Variants in DYM observed in about 807,000 individuals in gnomAD.
DYM encodes dymeclin.
In DYM, 78 loss-of-function variants were observed where a neutral mutation model predicts 93.1. The ratio of observed to expected loss-of-function variants is 0.84; its 90% CI spans 0.70 to 1.01. The LOEUF is 1.01. Ranked by LOEUF, DYM falls within the 50% of genes least tolerant of loss-of-function variation. The pLI is 0.00. For synonymous variants in DYM, 321 were observed against 319.7 expected (o/e 1.00, Z -0.04); for missense variants, 789 against 845.0 (o/e 0.93, Z 0.82).
intron 17 of DYM, among the ~76,000 whole-genome samples, chr18:49,087,958 A>G (rs2078696890): frequency 6.6e-6 from 1 of 151,876 alleles, no homozygotes; most frequent in Non-Finnish European, 1.5e-5. Flanking sequence ...CTGCTTTTTG[A>G]TGGGGTTGTT....
chr18:49,428,183 C>T (rs930785137), intron 2 of DYM, among the ~76,000 whole-genome samples: 1 of 149,274 alleles, frequency 6.7e-6, no homozygotes, highest in Non-Finnish European at 1.5e-5. Context: ...CACGGCGGGG[C>T]GCAGTGGCTC....
intron 14 of DYM, among the ~76,000 whole-genome samples, chr18:49,186,458 T>C (rs1942999): frequency 0.63 from 95,179 of 151,950 alleles, 31,012 homozygotes; most frequent in Non-Finnish European, 0.74. Flanking sequence ...TCGCCCACTA[T>C]TGCCTATATC....
chr18:49,051,447 G>C (rs765578724), intron 17 of DYM, among the ~76,000 whole-genome samples: 1 of 152,158 alleles, frequency 6.6e-6, no homozygotes, highest in Non-Finnish European at 1.5e-5. Flanking sequence ...TTCTGACTAG[G>C]TGTGGTTTTA....
rs1217417292 is a variant in DYM at position 49,355,777 on chromosome 18, T to C, written c.494+7384A>G. Among the ~76,000 whole-genome samples the C allele has an allele frequency of 2.6e-5, 4 of 152,106 alleles. No individual in the cohort carries two copies. In the East Asian group the frequency reaches 7.7e-4, roughly 29 times the overall value. ...TTTCTGCTCAATTTTGTGGTGAACC[T>C]AAAATTACTCTCAAAACTAAATGTA... On this transcript the variant is annotated intron_variant, in intron 6 of 17. Coordinates refer to ENST00000675505, the MANE Select transcript of DYM (RefSeq NM_001353214.3).
intron 6 of DYM, among the ~76,000 whole-genome samples, chr18:49,342,484 T>C (rs2064242411): frequency 6.6e-6 from 1 of 152,224 alleles, no homozygotes; most frequent in Non-Finnish European, 1.5e-5. Flanking sequence ...ATGGCATTAG[T>C]CTGCCTATCA....
intron 10 of DYM, among the ~76,000 whole-genome samples, 184 bp from the exon 11 acceptor site, chr18:49,272,487 T>C (rs2094730959): frequency 6.6e-6 from 1 of 152,180 alleles, no homozygotes; most frequent in African/African-American, 2.4e-5. Flanking sequence ...AAGATGCCAG[T>C]GGAGAAAATC....
chr18:49,336,103 C>T lies in DYM; in HGVS notation c.495-2250G>A, dbSNP rs559339997. 3.3e-5 allele frequency among the ~76,000 whole-genome samples: 5 copies of T among 152,258 alleles called. No individual in the cohort carries two copies. In the South Asian group the frequency reaches 1.0e-3, roughly 32 times the overall value. On this transcript the variant is annotated intron_variant, in intron 6 of 17. Coordinates refer to ENST00000675505, the MANE Select transcript of DYM (RefSeq NM_001353214.3). ...TGCTGGGATTACAGGCATGAGCCAT[C>T]GTGCCAGACTGCAAATGTATTTTGT...
At chr18:49,044,256 A>T (rs777100963) in intron 17 of DYM, 52 bp from the exon 18 acceptor site, 1 of 1,608,526 alleles carries the variant, frequency 6.2e-7, no homozygotes, top group South Asian at 1.1e-5. Context: ...TGCACAAGCA[A>T]AAGTGGTGAG....
At chr18:49,131,387 T>A (rs993721076) in intron 15 of DYM, among the ~76,000 whole-genome samples, 5 of 152,144 alleles carry the variant, frequency 3.3e-5, no homozygotes, top group East Asian at 1.9e-4. Context: ...TGATTTTTTT[T>A]AATGTTTTTG....
intron 16 of DYM, among the ~76,000 whole-genome samples, chr18:49,116,932 A>G (rs946556786): frequency 4.6e-5 from 7 of 152,240 alleles, no homozygotes; most frequent in Non-Finnish European, 1.0e-4. Context: ...TTCTTAATTA[A>G]AACTCAGAGT....
At chr18:49,188,728 T>C (rs955796556) in intron 14 of DYM, among the ~76,000 whole-genome samples, 3 of 152,142 alleles carry the variant, frequency 2.0e-5, no homozygotes, top group African/African-American at 4.8e-5. Flanking sequence ...TTTGGAGATA[T>C]ACCTAATGTT....
At chr18:49,378,021 G>C (rs1052160205) in intron 5 of DYM, among the ~76,000 whole-genome samples, 1 of 152,194 alleles carries the variant, frequency 6.6e-6, no homozygotes, top group African/African-American at 2.4e-5. Context: ...AAGATTGTGT[G>C]AAGGGTAATC....
intron 15 of DYM, among the ~76,000 whole-genome samples, chr18:49,119,805 A>G (rs2082217763): frequency 6.6e-6 from 1 of 152,142 alleles, no homozygotes; most frequent in East Asian, 1.9e-4. Context: ...AGATATATCA[A>G]GGCTGGCTGT....
intron 2 of DYM, 105 bp downstream of exon 2, chr18:49,430,150 A>T (rs2074670012): frequency 9.4e-7 from 1 of 1,064,412 alleles, no homozygotes; most frequent in Admixed American, 1.7e-5. Flanking sequence ...TGACAGATAG[A>T]CTAGATAGAT....
chr18:49,252,095 G>A (rs1044894784), intron 13 of DYM, among the ~76,000 whole-genome samples: 3 of 151,388 alleles, frequency 2.0e-5, no homozygotes, highest in Non-Finnish European at 4.4e-5. Context: ...GCACCTACCT[G>A]TAATCCCAGC....
At chr18:49,232,855 C>T (rs1053520734) in intron 13 of DYM, among the ~76,000 whole-genome samples, 5 of 151,892 alleles carry the variant, frequency 3.3e-5, no homozygotes, top group African/African-American at 1.2e-4. Flanking sequence ...GTGATCCGCC[C>T]ACCTCAGCCT....
intron 15 of DYM, 23 bp downstream of exon 15, chr18:49,163,662 T>G (rs1302370362): frequency 6.4e-7 from 1 of 1,555,780 alleles, no homozygotes; most frequent in South Asian, 1.1e-5. Flanking sequence ...AATTTTTTAT[T>G]GATGAATAAG....
At chr18:49,158,503 G>A (rs997573338) in intron 15 of DYM, among the ~76,000 whole-genome samples, 19 of 152,270 alleles carry the variant, frequency 1.2e-4, no homozygotes, top group African/African-American at 4.6e-4. Flanking sequence ...TCTTGGATAT[G>A]ACAGCATACC....
At position 49,055,828 on chromosome 18, in the gene DYM, T is replaced by C. The variant is rs760443610; in HGVS notation, c.2026-11624A>G. ...GAGAATGGGAAGGCAAAGACTACGA[T>C]GAGCTGAAGCCTGGAAAGGCTGGGT... On this transcript the variant is annotated intron_variant, in intron 17 of 17. Coordinates refer to ENST00000675505, the MANE Select transcript of DYM (RefSeq NM_001353214.3). Among the ~76,000 whole-genome samples, 54 of 152,184 alleles carry C rather than the reference T, an allele frequency of 3.5e-4. 1 individual carries two copies. Among genetic ancestry groups the C allele is most frequent in the Non-Finnish European group, 1.3e-4 (9 of 68,030 alleles).
Sources: allele counts gnomAD v4.1 joint callset (sites outside exome capture counted in the v4.1 genomes callset), GRCh38; gene constraint gnomAD v4.1.1; transcripts MANE v1.5; gene names NCBI Gene and HGNC (gene_info 2026-07-23, HGNC 2026-07-21).